EPHA3: variants seen among roughly 807,000 people sequenced by gnomAD.
EPHA3 encodes the protein EPH receptor A3.
EPHA3 carries 42 observed loss-of-function variants against 107.1 expected under a neutral mutation model. The ratio of observed to expected loss-of-function variants is 0.39; its 90% CI spans 0.31 to 0.51. The LOEUF (loss-of-function observed/expected upper bound fraction) is 0.51. Among genes scored for constraint, EPHA3 ranks in the 20% least tolerant of loss-of-function variants. The pLI is 0.78. For missense variants in EPHA3, 1,183 were observed against 1,211.2 expected (o/e 0.98, Z 0.35); for synonymous variants, 461 against 424.8 (o/e 1.09, Z -1.05).
At chr3:89,113,895 G>A (rs1707185529) in intron 1 of EPHA3, among the ~76,000 whole-genome samples, 2 of 152,134 alleles carry the variant, frequency 1.3e-5, no homozygotes, top group African/African-American at 4.8e-5. Context: ...ATGTGGAGGG[G>A]TGGACAGAAT....
At chr3:89,133,682 G>A (rs987076696) in intron 2 of EPHA3, among the ~76,000 whole-genome samples, 12 of 152,138 alleles carry the variant, frequency 7.9e-5, no homozygotes, top group African/African-American at 2.9e-4. Context: ...ATTGGGCATT[G>A]TCGTGGACAA....
chr3:89,130,786 C>T (rs1247377337), intron 2 of EPHA3, among the ~76,000 whole-genome samples: 1 of 152,166 alleles, frequency 6.6e-6, no homozygotes, highest in Admixed American at 6.6e-5. Flanking sequence ...AGGCGCCCGC[C>T]ACCACGCTCA....
intron 3 of EPHA3, among the ~76,000 whole-genome samples, chr3:89,247,194 G>A (rs551430199): frequency 1.3e-5 from 2 of 152,142 alleles, no homozygotes; most frequent in Non-Finnish European, 2.9e-5. Context: ...TCATTTCAGG[G>A]CAATACTGTA....
chr3:89,215,154 G>T (rs1039766762), intron 3 of EPHA3, among the ~76,000 whole-genome samples: 1 of 151,770 alleles, frequency 6.6e-6, no homozygotes, highest in East Asian at 1.9e-4. Flanking sequence ...TTTGCTTTAG[G>T]TAGTTATTAT....
At chr3:89,363,778 A>G (rs1708140020) in intron 5 of EPHA3, among the ~76,000 whole-genome samples, 1 of 150,822 alleles carries the variant, frequency 6.6e-6, no homozygotes, top group Non-Finnish European at 1.5e-5. Context: ...AAATTGATAT[A>G]AAGAAAATAC....
chr3:89,209,548 A>G (rs1462012689), intron 2 of EPHA3, among the ~76,000 whole-genome samples: 5 of 152,156 alleles, frequency 3.3e-5, no homozygotes, highest in African/African-American at 4.8e-5. Context: ...TGAGAAAATA[A>G]TATTATAGTG....
intron 10 of EPHA3, among the ~76,000 whole-genome samples, chr3:89,415,045 A>G (rs1709220251): frequency 6.6e-6 from 1 of 151,570 alleles, no homozygotes. Flanking sequence ...GGTTAGTTAT[A>G]CTTTTCCTGA....
Position 89,395,779 on chromosome 3 carries a change from C to T in EPHA3, c.1307-58C>T, listed in dbSNP as rs1708837533. 4.4e-6 allele frequency: 7 copies of T among 1,595,044 alleles called. No homozygotes were observed. The Admixed American group carries it at 5.1e-5, about 12-fold the overall frequency. ...TTCTCCCTCTGTTCTTATTCGCCAC[C>T]CTTTCTAACCCATTAATTTGCTTCC... On this transcript the variant is annotated intron_variant, in intron 5 of 16. Coordinates refer to ENST00000336596, the MANE Select transcript of EPHA3 (RefSeq NM_005233.6).
chr3:89,203,634 G>A (rs377553481), intron 2 of EPHA3, among the ~76,000 whole-genome samples: 3 of 151,880 alleles, frequency 2.0e-5, no homozygotes, highest in Non-Finnish European at 4.4e-5. Context: ...AAAATCAGCC[G>A]GGCGCAGTGG....
intron 5 of EPHA3, among the ~76,000 whole-genome samples, chr3:89,367,398 A>C (rs534174775): frequency 6.6e-6 from 1 of 150,700 alleles, no homozygotes; most frequent in African/African-American, 2.4e-5. Context: ...CATAGGAATC[A>C]GTTTCTAGCT....
At chr3:89,154,403 T>G (rs1031813804) in intron 2 of EPHA3, among the ~76,000 whole-genome samples, 1 of 151,948 alleles carries the variant, frequency 6.6e-6, no homozygotes, top group Non-Finnish European at 1.5e-5. Flanking sequence ...CTCCATGATT[T>G]TTTTTCAGAA....
intron 5 of EPHA3, among the ~76,000 whole-genome samples, chr3:89,371,737 C>T (rs1374274098): frequency 6.6e-6 from 1 of 150,850 alleles, no homozygotes; most frequent in Non-Finnish European, 1.5e-5. Context: ...CACACACACA[C>T]ACACAACACA....
intron 5 of EPHA3, among the ~76,000 whole-genome samples, chr3:89,383,604 CA>C (rs1314861357): frequency 6.9e-6 from 1 of 144,206 alleles, no homozygotes; most frequent in East Asian, 2.1e-4. Context: ...TAATAAGAAA[CA>C]AAACTTCACA....
chr3:89,132,846 A>G (rs1191301223), intron 2 of EPHA3, among the ~76,000 whole-genome samples: 1 of 152,156 alleles, frequency 6.6e-6, no homozygotes, highest in African/African-American at 2.4e-5. Context: ...GGTACGACTG[A>G]GCCGCTGCAC....
intron 5 of EPHA3, among the ~76,000 whole-genome samples, chr3:89,352,860 A>G (rs141585555): frequency 0.052 from 7,394 of 143,172 alleles, 638 homozygotes; most frequent in African/African-American, 0.18. Flanking sequence ...CTGAGATGGC[A>G]CCATTGCACT....
At chr3:89,425,498 G>T (rs1257119629) in intron 11 of EPHA3, among the ~76,000 whole-genome samples, 1 of 150,054 alleles carries the variant, frequency 6.7e-6, no homozygotes, top group East Asian at 2.0e-4. Context: ...CCTCATTAGA[G>T]TGTGTTTAAT....
At position 89,481,183 on chromosome 3, in the gene EPHA3, C is replaced by T. The variant is rs1198991439; in HGVS notation, c.*1681C>T. ...TATGCAAAATGGAACGCTAATGAAACACAGCTTACAATCGCAAATCAAAAC... is the reference window on the plus strand; with the variant it reads ...TATGCAAAATGGAACGCTAATGAAATACAGCTTACAATCGCAAATCAAAAC... On this transcript the variant is annotated 3_prime_UTR_variant, in exon 17 of 17. Transcript: ENST00000336596. The T allele has an allele frequency of 4.3e-6, 1 of 232,170 alleles. No individual in the cohort carries two copies. The highest frequency in any genetic ancestry group is 6.1e-5 in the East Asian group (1 of 16,374). 14.4% of individuals were successfully genotyped at this position (232,170 alleles called of 1,614,324 possible). A position where few individuals can be genotyped will look rare whatever the true frequency, so the allele number is the denominator to read the frequency against.
At chr3:89,474,164 G>A (rs980854648) in intron 16 of EPHA3, among the ~76,000 whole-genome samples, 2 of 152,020 alleles carry the variant, frequency 1.3e-5, no homozygotes, top group Non-Finnish European at 2.9e-5. Context: ...AAATAAATAA[G>A]TTTATAATTT....
intron 9 of EPHA3, among the ~76,000 whole-genome samples, chr3:89,410,662 T>C (rs990762173): frequency 6.6e-6 from 1 of 152,008 alleles, no homozygotes; most frequent in Non-Finnish European, 1.5e-5. Flanking sequence ...GTTGATCTGA[T>C]ATGAGTTTTC....
Sources: allele counts gnomAD v4.1 joint callset (sites outside exome capture counted in the v4.1 genomes callset), GRCh38; gene constraint gnomAD v4.1.1; transcripts MANE v1.5; gene names NCBI Gene and HGNC (gene_info 2026-07-23, HGNC 2026-07-21).